The following DPP10 variants were observed in gnomAD, a reference collection of about 807,000 sequenced individuals.
The protein encoded by DPP10 is inactive dipeptidyl peptidase 10.
DPP10 carries 33 observed loss-of-function variants against 120.9 expected under a neutral mutation model. The ratio of observed to expected loss-of-function variants is 0.27; its 90% CI spans 0.21 to 0.37. The LOEUF (loss-of-function observed/expected upper bound fraction) is 0.37, where lower values mean the gene tolerates loss of function less well. Ranked by LOEUF, DPP10 falls within the 10% of genes least tolerant of loss-of-function variation. DPP10 has a pLI of 1.00. For missense variants in DPP10, 816 were observed against 942.8 expected, an observed-to-expected ratio of 0.87 and a Z score of 1.76; for synonymous variants, 337 against 326.1, an observed-to-expected ratio of 1.03 and a Z score of -0.36.
At chr2:114,858,280 T>A (rs551057504) in intron 1 of DPP10, among the ~76,000 whole-genome samples, 2 of 152,328 alleles carry the variant, frequency 1.3e-5, no homozygotes, top group South Asian at 4.1e-4. Context: ...TGAACCACTG[T>A]GCCCCGCCGC....
intron 5 of DPP10, among the ~76,000 whole-genome samples, chr2:115,546,502 A>G (rs950620307): frequency 3.3e-5 from 5 of 152,048 alleles, no homozygotes; most frequent in Admixed American, 2.6e-4. Context: ...TATTATATCT[A>G]CCAATTTTTC....
intron 1 of DPP10, among the ~76,000 whole-genome samples, chr2:115,033,902 T>C (rs967888013): frequency 3.6e-5 from 5 of 138,160 alleles, no homozygotes; most frequent in African/African-American, 8.1e-5. Context: ...TCTTTTTTTT[T>C]TTTTTTTTTT....
intron 5 of DPP10, among the ~76,000 whole-genome samples, chr2:115,602,699 G>A (rs1366783091): frequency 6.6e-6 from 1 of 152,130 alleles, no homozygotes; most frequent in Non-Finnish European, 1.5e-5. Flanking sequence ...ATTTCTTTGA[G>A]GGCTCACTCA....
At chr2:114,888,512 CA>C (rs537607232) in intron 1 of DPP10, among the ~76,000 whole-genome samples, 1 of 151,384 alleles carries the variant, frequency 6.6e-6, no homozygotes, top group African/African-American at 2.4e-5. Flanking sequence ...TATTTAGCGG[CA>C]AAAAAAATGA....
At chr2:115,356,271 A>G (rs1355958484) in intron 3 of DPP10, among the ~76,000 whole-genome samples, 1 of 152,092 alleles carries the variant, frequency 6.6e-6, no homozygotes, top group Non-Finnish European at 1.5e-5. Flanking sequence ...GCAACTTCAC[A>G]TCCCTAGTTA....
rs554092792 is a variant in DPP10, at chr2:114,869,625, C to T, written c.60+426787C>T. ...GGGGCTAAAGCACTGTGGACATCCT[C>T]TTTTTAGGTGGGAGGACTGGAATGG... is the stretch of plus-strand genomic sequence containing the variant. On this transcript the variant is annotated intron_variant, in intron 1 of 25. Coordinates refer to ENST00000410059, the MANE Select transcript of DPP10 (RefSeq NM_020868.6). Among the ~76,000 whole-genome samples, 71 of 152,272 alleles carry T rather than the reference C, an allele frequency of 4.7e-4. 1 individual carries two copies. The Middle Eastern group carries it at 0.01, about 22-fold the overall frequency.
intron 1 of DPP10, among the ~76,000 whole-genome samples, chr2:114,455,437 T>C (rs1041355344): frequency 6.6e-6 from 1 of 151,062 alleles, no homozygotes; most frequent in Non-Finnish European, 1.5e-5. Context: ...CCCAGCTACA[T>C]GGGAGGCTGA....
intron 1 of DPP10, among the ~76,000 whole-genome samples, chr2:115,279,381 G>A (rs1488774072): frequency 6.6e-6 from 1 of 152,090 alleles, no homozygotes; most frequent in African/African-American, 2.4e-5. Flanking sequence ...GAAATGAAGA[G>A]AGTTTGGCTT....
At chr2:114,855,808 T>C (rs2106507540) in intron 1 of DPP10, among the ~76,000 whole-genome samples, 1 of 152,334 alleles carries the variant, frequency 6.6e-6, no homozygotes, top group East Asian at 1.9e-4. Flanking sequence ...AGTTGCTTAA[T>C]GGCTTATCTT....
chr2:114,580,630 T>A (rs1403035983), intron 1 of DPP10, among the ~76,000 whole-genome samples: 1 of 152,158 alleles, frequency 6.6e-6, no homozygotes, highest in East Asian at 1.9e-4. Flanking sequence ...AGCTCCTGCC[T>A]GGTCTTTCTG....
At chr2:115,293,467 ACGTAGGCAGT>A in intron 1 of DPP10, among the ~76,000 whole-genome samples, 1 of 152,200 alleles carries the variant, frequency 6.6e-6, no homozygotes, top group East Asian at 1.9e-4. Context: ...GTTAACCGTG[ACGTAGGCAGT>A]GCCTTTCTCT....
chr2:115,304,445 A>C (rs1177686979), intron 1 of DPP10, among the ~76,000 whole-genome samples: 2 of 152,050 alleles, frequency 1.3e-5, no homozygotes. Flanking sequence ...ATTTTTAAGA[A>C]CCTTCCTTGT....
At chr2:114,564,306 C>A (rs530108171) in intron 1 of DPP10, among the ~76,000 whole-genome samples, 1 of 152,112 alleles carries the variant, frequency 6.6e-6, no homozygotes, top group Admixed American at 6.5e-5. Context: ...TATATATGTC[C>A]TATTTTATAT....
At chr2:115,274,215 A>G (rs1030899432) in intron 1 of DPP10, among the ~76,000 whole-genome samples, 1 of 152,182 alleles carries the variant, frequency 6.6e-6, no homozygotes, top group Non-Finnish European at 1.5e-5. Flanking sequence ...ATAGAACTAT[A>G]CTTGAGAATA....
At chr2:115,415,841 T>TATATATATATATATA (rs773341293) in intron 3 of DPP10, among the ~76,000 whole-genome samples, 1 of 74,288 alleles carries the variant, frequency 1.3e-5, no homozygotes, top group African/African-American at 5.1e-5. Context: ...TGATTTGCTT[T>TATATATATATATATA]TATATATATA....
chr2:114,799,026 A>C (rs1683957619), intron 1 of DPP10, among the ~76,000 whole-genome samples: 1 of 152,094 alleles, frequency 6.6e-6, no homozygotes, highest in Non-Finnish European at 1.5e-5. Flanking sequence ...CTAATCGGGA[A>C]GCTGGGTCAA....
intron 1 of DPP10, among the ~76,000 whole-genome samples, chr2:114,465,103 A>G (rs1573406631): frequency 1.3e-5 from 2 of 152,316 alleles, no homozygotes; most frequent in South Asian, 4.1e-4. Context: ...CGTTGGACTC[A>G]GAGACCTCGG....
intron 1 of DPP10, among the ~76,000 whole-genome samples, chr2:114,461,326 T>C (rs150232358): frequency 2.0e-5 from 3 of 152,314 alleles, no homozygotes; most frequent in African/African-American, 7.2e-5. Flanking sequence ...AAAACACTCT[T>C]AACAATGTTC....
chr2:114,987,948 C>T (rs1331386819), intron 1 of DPP10, among the ~76,000 whole-genome samples: 1 of 151,840 alleles, frequency 6.6e-6, no homozygotes, highest in Admixed American at 6.6e-5. Flanking sequence ...GGACTACAGG[C>T]ACCTGCCACC....
Sources: allele counts gnomAD v4.1 joint callset (sites outside exome capture counted in the v4.1 genomes callset), GRCh38; gene constraint gnomAD v4.1.1; transcripts MANE v1.5; gene names NCBI Gene and HGNC (gene_info 2026-07-23, HGNC 2026-07-21).